The following CLSTN3 variants were observed in gnomAD, a reference collection of about 807,000 sequenced individuals.
CLSTN3 encodes calsyntenin 3.
CLSTN3 carries 36 observed loss-of-function variants against 95.9 expected under a neutral mutation model. The ratio of observed to expected loss-of-function variants is 0.38; its 90% confidence interval spans 0.29 to 0.50. The LOEUF is 0.50. Among genes scored for constraint, CLSTN3 ranks in the 20% least tolerant of loss-of-function variants. The pLI is 0.95. For synonymous variants in CLSTN3, 481 were observed against 504.0 expected, an observed-to-expected ratio of 0.95 and a Z score of 0.61; for missense variants, 1,084 against 1,268.8, an observed-to-expected ratio of 0.85 and a Z score of 2.21.
chr12:7,132,525 T>C, intron 1 of CLSTN3: 1 of 227,596 alleles, frequency 4.4e-6, no homozygotes, highest in South Asian at 7.3e-5. Context: ...AAGTGCAGAG[T>C]GAAGGGATCA....
chr12:7,131,074 C>G (rs1432638161), intron 1 of CLSTN3: 1 of 419,164 alleles, frequency 2.4e-6, no homozygotes, highest in Admixed American at 3.8e-5. Context: ...CCTCTCCCCG[C>G]GGCTCTCCCT....
In CLSTN3 at chr12:7,136,833, T is replaced by C. The variant is rs755424732; in HGVS notation, c.933T>C (p.Ala311=). The C allele has an allele frequency of 1.9e-6, 3 of 1,613,370 alleles. No homozygotes were observed. Among genetic ancestry groups the C allele is most frequent in the South Asian group, 2.2e-5 (2 of 91,084 alleles). The change falls in exon 7 of 18, where the codon GCT becomes GCC. Residue 311 remains alanine (A), a synonymous_variant. Coordinates refer to ENST00000266546, the MANE Select transcript of CLSTN3 (RefSeq NM_014718.4). Reference sequence around the variant, plus strand: ...TGCCTCCTGGGGCTCCCACAGGTGCTGCCACTGGGGAGGTGGATCTGTTGC... The same window carrying C: ...TGCCTCCTGGGGCTCCCACAGGTGCCGCCACTGGGGAGGTGGATCTGTTGC... ...SERALRKLCG[A]ATGEVDLLPM...
rs1024206882 is a variant in CLSTN3, at chr12:7,157,953, C to T, written c.2743C>T (p.Arg915Trp). Residue 915 changes from arginine to tryptophan, a missense_variant, in exon 18 of 18, where the codon CGG becomes TGG. Coordinates refer to ENST00000266546, the MANE Select transcript of CLSTN3 (RefSeq NM_014718.4). The surrounding 1 kb of genome is among the most constrained non-coding windows in gnomAD (Gnocchi z 5.9). ...IVNPMESYQN[R>W]QSCVTGAVGG... ...TCCTGCCCTCCAGTCCTACCAGAAT[C>T]GGCAGTCCTGTGTGACGGGGGCTGT... 14 of 1,551,004 alleles carry T rather than the reference C, an allele frequency of 9.0e-6. No individual in the cohort carries two copies. The highest frequency in any genetic ancestry group is 3.3e-4 in the Middle Eastern group (2 of 5,998).
At chr12:7,146,789 G>A (rs1490775752) in intron 12 of CLSTN3, among the ~76,000 whole-genome samples, 1 of 152,190 alleles carries the variant, frequency 6.6e-6, no homozygotes, top group African/African-American at 2.4e-5. Context: ...GGGATTCCCA[G>A]ACCAGCGGCA....
rs138401722 is a variant in CLSTN3 at position 7,150,954 on chromosome 12, G to C, written c.2418G>C (p.Arg806=). 1.7e-3 allele frequency: 2,663 copies of C among 1,610,422 alleles called. 4 individuals are homozygous for C. The highest frequency in any genetic ancestry group is 2.1e-3 in the Non-Finnish European group (2,467 of 1,177,732). The change falls in exon 16 of 18, where the codon CGG becomes CGC. Residue 806 remains arginine, a synonymous_variant. Transcript: ENST00000266546. This position sits in a 1 kb window ranked among gnomAD's most constrained non-coding sequence, Gnocchi z 4.0. ...TCAATGTCCTGCACAGCATGAACCG[G>C]GTTGCCCACCCCAGCCACGTGCTCA... The part of the protein sequence containing the change: ...VEVNVLHSMN[R]VAHPSHVLSS...
chr12:7,133,242 T>C lies in CLSTN3; in HGVS notation c.187+96T>C, dbSNP rs1001243568. ...GAGGGAGGGAAGGTCCTGGGAGTGA[T>C]GAGAAAGTAAGGGAAGATAAAAGTG... On this transcript the variant is annotated intron_variant, in intron 2 of 17. Coordinates refer to ENST00000266546, the MANE Select transcript of CLSTN3 (RefSeq NM_014718.4). This position sits in a 1 kb window ranked among gnomAD's most constrained non-coding sequence, Gnocchi z 4.7. 30 of 1,495,194 alleles carry C rather than the reference T, an allele frequency of 2.0e-5. No homozygotes were observed. Among genetic ancestry groups the C allele is most frequent in the East Asian group, 2.3e-5 (1 of 43,846 alleles). 92.6% of individuals were successfully genotyped at this position (1,495,194 alleles called of 1,614,324 possible). A position where few individuals can be genotyped will look rare whatever the true frequency, so the allele number is the denominator to read the frequency against.
At chr12:7,129,931 A>C (rs1467882610), upstream of CLSTN3, 2 of 452,626 alleles carry the variant, frequency 4.4e-6, no homozygotes, top group Non-Finnish European at 5.8e-6. This position sits in a 1 kb window ranked among gnomAD's most constrained non-coding sequence, Gnocchi z 5.5. Context: ...CCTGGGCTAC[A>C]AATGCCAGGA....
chr12:7,155,914 T>C, intron 16 of CLSTN3: 1 of 266,058 alleles, frequency 3.8e-6, no homozygotes, highest in South Asian at 3.7e-5. Context: ...CAGCTGAGTG[T>C]GCTGGCTGCT....
Position 7,157,428 on chromosome 12 carries a change from T to A in CLSTN3, c.2528-61T>A. On this transcript the variant is annotated intron_variant, in intron 16 of 17. Transcript: ENST00000266546. This position sits in a 1 kb window ranked among gnomAD's most constrained non-coding sequence, Gnocchi z 5.9. ...CTGCCTCTTTTCCTACCCAGCCCCC[T>A]GTCCAAGTGCCCCCAGGTGTGCCTA... is the stretch of plus-strand genomic sequence containing the variant. The A allele has an allele frequency of 6.9e-7, 1 of 1,445,742 alleles. No individual in the cohort carries two copies. Among genetic ancestry groups the A allele is most frequent in the East Asian group, 2.3e-5 (1 of 42,592 alleles). The allele number at this position is 1,445,742 out of a possible 1,614,324, so 89.6% of individuals were successfully genotyped here.
Position 7,137,795 on chromosome 12 carries a change from T to TGTGGGTGAGAGA in CLSTN3, c.1211-159_1211-158insTGGGTGAGAGAG, listed in dbSNP as rs768487238. 1.4e-5 allele frequency among the ~76,000 whole-genome samples: 1 copy of TGTGGGTGAGAGA among 70,610 alleles called. No individual in the cohort carries two copies. Among genetic ancestry groups the TGTGGGTGAGAGA allele is most frequent in the East Asian group, 5.3e-4 (1 of 1,888 alleles). The allele number at this position is 70,610 out of a possible 152,430, so 46.3% of individuals were successfully genotyped here. A position where few individuals can be genotyped will look rare whatever the true frequency, so the allele number is the denominator to read the frequency against. On this transcript the variant is annotated intron_variant, in intron 7 of 17. Transcript: ENST00000266546. This position sits in a 1 kb window ranked among gnomAD's most constrained non-coding sequence, Gnocchi z 4.4. ...GTGTGTGTGTGTGTGTGTGTGTGTG[T>TGTGGGTGAGAGA]GAGAGAGAGAGAGAGAGAGAGAGAG...
chr12:7,150,722 C>G lies in CLSTN3; in HGVS notation c.2391+33C>G. 1 of 1,603,904 alleles carries G rather than the reference C, an allele frequency of 6.2e-7. No individual in the cohort carries two copies. Among genetic ancestry groups the G allele is most frequent in the Non-Finnish European group, 8.5e-7 (1 of 1,171,568 alleles). On this transcript the variant is annotated intron_variant, in intron 15 of 17. Transcript: ENST00000266546. The surrounding 1 kb of genome is among the most constrained non-coding windows in gnomAD (Gnocchi z 4.0). ...GAGAGTCTCCTTCCTTCCACAGTTA[C>G]CCACCCCCAGAAAGGAGCTGAGGTG...
In CLSTN3 at chr12:7,149,469, A is replaced by C; in HGVS notation, c.2075-54A>C. On this transcript the variant is annotated intron_variant, in intron 13 of 17. Transcript: ENST00000266546. The surrounding 1 kb of genome is among the most constrained non-coding windows in gnomAD (Gnocchi z 4.5). The stretch of plus-strand genomic sequence containing the variant: ...GGTGATGAGGGCATGGTTGGGTCTC[A>C]GAACCTCCGTGGGCCCTTTGGCTCT... The C allele has an allele frequency of 1.4e-4, 222 of 1,545,186 alleles. No individual in the cohort carries two copies. The highest frequency in any genetic ancestry group is 1.8e-4 in the Non-Finnish European group (202 of 1,134,560).
chr12:7,158,421 T>TGGCTAG lies in CLSTN3; in HGVS notation c.*344_*345insAGGGCT, dbSNP rs1555169653. On this transcript the variant is annotated 3_prime_UTR_variant, in exon 18 of 18. Coordinates refer to ENST00000266546, the MANE Select transcript of CLSTN3 (RefSeq NM_014718.4). ...GTTGGGGAGAGGGTGACGATTGCAA[T>TGGCTAG]GGCTGGGGCTGGGGCTGGGGGTGGG... 1 of 151,920 alleles carries TGGCTAG rather than the reference T, an allele frequency of 6.6e-6. No individual in the cohort carries two copies. The highest frequency in any genetic ancestry group is 2.0e-4 in the East Asian group (1 of 5,006). 9.4% of individuals were successfully genotyped at this position (151,920 alleles called of 1,614,324 possible). A position where few individuals can be genotyped will look rare whatever the true frequency, so the allele number is the denominator to read the frequency against.
At chr12:7,129,689 C>T, upstream of CLSTN3, 1 of 985,556 alleles carries the variant, frequency 1.0e-6, no homozygotes, top group Non-Finnish European at 1.2e-6. This position sits in a 1 kb window ranked among gnomAD's most constrained non-coding sequence, Gnocchi z 5.5. Context: ...GCCCCGCCCC[C>T]AGCTGCCCAA....
rs375052160 is a variant in CLSTN3, at chr12:7,130,748, G to T, written c.64+36G>T. 422 of 1,536,134 alleles carry T rather than the reference G, an allele frequency of 2.7e-4. 2 individuals carry two copies. The highest frequency in any genetic ancestry group is 3.5e-4 in the Admixed American group (18 of 51,028). On this transcript the variant is annotated intron_variant, in intron 1 of 17. Coordinates refer to ENST00000266546, the MANE Select transcript of CLSTN3 (RefSeq NM_014718.4). Reference sequence around the variant, plus strand: ...TGGGGGTGGGGGTACCGAAAGAGGGGCGTCGGGCAGCGCCGTGCGGGGTGG... The same window carrying T: ...TGGGGGTGGGGGTACCGAAAGAGGGTCGTCGGGCAGCGCCGTGCGGGGTGG...
chr12:7,135,805 G>A lies in CLSTN3; in HGVS notation c.594G>A (p.Gly198=). Residue 198 remains glycine, a splice_region_variant and synonymous_variant, in exon 5 of 18, where the codon GGG becomes GGA. Coordinates refer to ENST00000266546, the MANE Select transcript of CLSTN3 (RefSeq NM_014718.4). ...PNTPFLIDND[G]NIENTEKLQY... ...TCTGTCCTCCTGACCCCACCCCAGGGAACATTGAGAACACAGAGAAGCTGC... is the reference window on the plus strand; with the variant it reads ...TCTGTCCTCCTGACCCCACCCCAGGAAACATTGAGAACACAGAGAAGCTGC... 6.2e-7 allele frequency: 1 copy of A among 1,603,544 alleles called. No homozygotes were observed. The highest frequency in any genetic ancestry group is 8.5e-7 in the Non-Finnish European group (1 of 1,174,370).
intron 8 of CLSTN3, among the ~76,000 whole-genome samples, chr12:7,140,977 T>C (rs751532273): frequency 3.9e-5 from 6 of 152,178 alleles, no homozygotes; most frequent in Non-Finnish European, 8.8e-5. Context: ...TTCATGAAAG[T>C]GTGTTACTCC....
chr12:7,143,527 T>G (rs190732309), intron 12 of CLSTN3, among the ~76,000 whole-genome samples: 2 of 152,266 alleles, frequency 1.3e-5, no homozygotes, highest in Non-Finnish European at 2.9e-5. Flanking sequence ...ATCAATCTGT[T>G]ACTCTTTCTA....
chr12:7,150,493 C>G lies in CLSTN3; in HGVS notation c.2246-51C>G. 2.5e-6 allele frequency: 4 copies of G among 1,580,618 alleles called. No individual in the cohort carries two copies. The highest frequency in any genetic ancestry group is 3.5e-6 in the Non-Finnish European group (4 of 1,157,584). ...GGGAGTCCAGGAGAGAGGGTCCTGCCCAGGTCCTGCCTCCACTGGCCCCTG... is the reference window on the plus strand; with the variant it reads ...GGGAGTCCAGGAGAGAGGGTCCTGCGCAGGTCCTGCCTCCACTGGCCCCTG... On this transcript the variant is annotated intron_variant, in intron 14 of 17. Transcript: ENST00000266546. This position sits in a 1 kb window ranked among gnomAD's most constrained non-coding sequence, Gnocchi z 4.0.
Sources: allele counts gnomAD v4.1 joint callset (sites outside exome capture counted in the v4.1 genomes callset), GRCh38; gene constraint gnomAD v4.1.1; non-coding constraint Gnocchi (gnomAD v3.1); transcripts MANE v1.5; gene names NCBI Gene and HGNC (gene_info 2026-07-23, HGNC 2026-07-21).